The following PIK3C2G variants were observed in gnomAD, a reference collection of about 807,000 sequenced individuals.
PIK3C2G encodes the protein phosphatidylinositol 3-kinase C2 domain-containing subunit gamma.
Under a neutral mutation model 181.1 loss-of-function variants are expected in PIK3C2G, and 168 were observed. The ratio of observed to expected loss-of-function variants is 0.93; its 90% CI spans 0.82 to 1.05. PIK3C2G has a LOEUF of 1.05. Among genes scored for constraint, PIK3C2G ranks in the 50% least tolerant of loss-of-function variants. The pLI, the probability that PIK3C2G is intolerant of heterozygous loss-of-function variation, is 0.00. For missense variants in PIK3C2G, 1,869 were observed against 1,732.8 expected (o/e 1.08, Z -1.40); for synonymous variants, 573 against 592.2 (o/e 0.97, Z 0.47).
chr12:18,404,650 G>C (rs1944421321), intron 16 of PIK3C2G, among the ~76,000 whole-genome samples: 1 of 152,146 alleles, frequency 6.6e-6, no homozygotes, highest in African/African-American at 2.4e-5. Flanking sequence ...GGTTATACAG[G>C]TTCAGAAAAT....
At chr12:18,463,960 C>T (rs1340738935) in intron 18 of PIK3C2G, among the ~76,000 whole-genome samples, 1 of 152,128 alleles carries the variant, frequency 6.6e-6, no homozygotes, top group Non-Finnish European at 1.5e-5. Flanking sequence ...GTCCTTTCCT[C>T]TTCTTCACAT....
At chr12:18,296,405 C>T (rs1008141689) in intron 5 of PIK3C2G, among the ~76,000 whole-genome samples, 2 of 151,990 alleles carry the variant, frequency 1.3e-5, no homozygotes, top group Admixed American at 1.3e-4. Context: ...CCTATGCTGC[C>T]GGTCTACAGC....
intron 14 of PIK3C2G, among the ~76,000 whole-genome samples, chr12:18,385,204 T>C (rs563142265): frequency 1.3e-5 from 2 of 152,310 alleles, no homozygotes; most frequent in South Asian, 2.1e-4. Flanking sequence ...ATACTAAGCC[T>C]ACCTGACTTC....
intron 5 of PIK3C2G, among the ~76,000 whole-genome samples, chr12:18,308,084 T>C (rs1273248847): frequency 6.6e-6 from 1 of 151,888 alleles, no homozygotes; most frequent in African/African-American, 2.4e-5. Context: ...TAGCTGCTTG[T>C]ATTCACTAAC....
chr12:18,695,019 T>C, the PIK3C2G span: 1 of 1,612,650 alleles, frequency 6.2e-7, no homozygotes, highest in South Asian at 1.1e-5. Flanking sequence ...ACCACCATTA[T>C]CCAAAAATTT....
chr12:18,696,902 G>A, the PIK3C2G span, among the ~76,000 whole-genome samples: 1 of 151,876 alleles, frequency 6.6e-6, no homozygotes, highest in African/African-American at 2.4e-5. Context: ...GTTCTTACTG[G>A]GATAATCTCT....
chr12:18,594,824 A>G (rs1030521985), intron 30 of PIK3C2G, among the ~76,000 whole-genome samples: 25 of 152,060 alleles, frequency 1.6e-4, no homozygotes, highest in Admixed American at 1.3e-3. Flanking sequence ...TAGTCTCTCA[A>G]GAAAATTGTT....
chr12:18,336,417 T>A (rs1565611011), intron 8 of PIK3C2G, among the ~76,000 whole-genome samples: 1 of 152,168 alleles, frequency 6.6e-6, no homozygotes, highest in Non-Finnish European at 1.5e-5. Context: ...ATAGTGAGAT[T>A]GTTGTCTTTT....
At chr12:18,275,475 G>T (rs761795646) in intron 1 of PIK3C2G, among the ~76,000 whole-genome samples, 5 of 152,044 alleles carry the variant, frequency 3.3e-5, no homozygotes, top group Non-Finnish European at 7.4e-5. Context: ...TCTGCCTTCT[G>T]GTTTCAAGCA....
At chr12:18,640,909 G>A (rs1034912257) in intron 32 of PIK3C2G, among the ~76,000 whole-genome samples, 8 of 150,600 alleles carry the variant, frequency 5.3e-5, no homozygotes, top group African/African-American at 2.0e-4. Context: ...TACTACCTTG[G>A]GTATAACAGT....
intron 27 of PIK3C2G, 93 bp downstream of exon 27, chr12:18,562,985 AT>A: frequency 1.3e-6 from 1 of 783,256 alleles, no homozygotes; most frequent in South Asian, 1.8e-5. Flanking sequence ...TTATAGCATA[AT>A]TTTTTACTAA....
At chr12:18,276,222 C>A (rs1172379235) in intron 1 of PIK3C2G, among the ~76,000 whole-genome samples, 2 of 152,144 alleles carry the variant, frequency 1.3e-5, no homozygotes, top group African/African-American at 4.8e-5. Context: ...CAAAGGCTAT[C>A]AGGATTCAGT....
chr12:18,419,509 C>G (rs1273598014), intron 16 of PIK3C2G, among the ~76,000 whole-genome samples: 1 of 152,122 alleles, frequency 6.6e-6, no homozygotes, highest in Non-Finnish European at 1.5e-5. Flanking sequence ...TCTTAATGTA[C>G]TAAAACAAGC....
At chr12:18,293,703 T>C (rs1949810277) in intron 4 of PIK3C2G, among the ~76,000 whole-genome samples, 198 bp from the exon 5 acceptor site, 1 of 152,110 alleles carries the variant, frequency 6.6e-6, no homozygotes, top group Non-Finnish European at 1.5e-5. Flanking sequence ...TCAAAGGAAT[T>C]GCAAACAACA....
At chr12:18,572,597 G>C (rs1308115392) in intron 29 of PIK3C2G, among the ~76,000 whole-genome samples, 4 of 151,606 alleles carry the variant, frequency 2.6e-5, no homozygotes, top group African/African-American at 9.7e-5. Flanking sequence ...GAGCTTCAGA[G>C]GTTCTTGAAT....
chr12:18,399,533 T>TA (rs3841368), intron 15 of PIK3C2G, 126 bp from the exon 16 acceptor site: 52,252 of 469,504 alleles, frequency 0.11, 3,206 homozygotes, highest in Non-Finnish European at 0.13. Flanking sequence ...AGGTAAAAGA[T>TA]GTTTTTGAAA....
intron 24 of PIK3C2G, among the ~76,000 whole-genome samples, chr12:18,530,219 A>C (rs141813434): frequency 6.6e-6 from 1 of 152,280 alleles, no homozygotes; most frequent in African/African-American, 2.4e-5. Flanking sequence ...CTACCCAATA[A>C]AAATCTCACA....
At chr12:18,531,065 C>T (rs1413316873) in intron 24 of PIK3C2G, among the ~76,000 whole-genome samples, 2 of 152,112 alleles carry the variant, frequency 1.3e-5, no homozygotes, top group Non-Finnish European at 2.9e-5. Context: ...ATCTTCTTCA[C>T]ATGCCTTATG....
At chr12:18,443,448 CTTTAAAG>C (rs1237199082) in intron 18 of PIK3C2G, among the ~76,000 whole-genome samples, 1 of 143,148 alleles carries the variant, frequency 7.0e-6, no homozygotes, top group Non-Finnish European at 1.5e-5. Flanking sequence ...CCTATTATGG[CTTTAAAG>C]TTTTTTTTTC....
Sources: gnomAD v4.1 joint callset for allele counts (sites outside exome capture counted in the v4.1 genomes callset) on GRCh38, gnomAD v4.1.1 for gene constraint, MANE v1.5 for transcripts, NCBI Gene and HGNC (gene_info 2026-07-23, HGNC 2026-07-21) for gene names.